AKAP1: variants seen among roughly 807,000 people sequenced by gnomAD.
The protein encoded by AKAP1 is A-kinase anchor protein 1, mitochondrial.
A neutral mutation model predicts 79.8 loss-of-function variants in AKAP1; 32 were observed. The ratio of observed to expected loss-of-function variants is 0.40; its 90% CI spans 0.30 to 0.54. AKAP1 has a LOEUF of 0.54. Ranked by LOEUF, AKAP1 falls within the 20% of genes least tolerant of loss-of-function variation. AKAP1 has a pLI of 0.47. For missense variants in AKAP1, 961 were observed against 1,138.9 expected, an observed-to-expected ratio of 0.84 and a Z score of 2.25; for synonymous variants, 416 against 466.7, an observed-to-expected ratio of 0.89 and a Z score of 1.40.
In AKAP1 at chr17:57,114,406, AAGATG is replaced by A. The variant is rs1356405850; in HGVS notation, c.2104-48_2104-44del. 8 of 1,592,668 alleles carry A rather than the reference AAGATG, an allele frequency of 5.0e-6. No individual in the cohort carries two copies. The East Asian group carries it at 1.8e-4, about 36-fold the overall frequency. On this transcript the variant is annotated intron_variant, in intron 5 of 10. Transcript: ENST00000337714. ...GCCCTTGGGTCTCGGGACTTATTCA[AAGATG>A]AGATAAGAAGGATTGTTTCAGTGAC... is the stretch of plus-strand genomic sequence containing the variant.
At chr17:57,115,203 A>G (rs1453312265) in intron 6 of AKAP1, among the ~76,000 whole-genome samples, 4 of 152,220 alleles carry the variant, frequency 2.6e-5, no homozygotes, top group African/African-American at 9.6e-5. Context: ...TCCTTATCAC[A>G]GAGGATGGAA....
At chr17:57,091,820 C>T (rs1226474012) in intron 1 of AKAP1, among the ~76,000 whole-genome samples, 2 of 151,888 alleles carry the variant, frequency 1.3e-5, no homozygotes, top group African/African-American at 4.8e-5. Flanking sequence ...TCCCAAGTAC[C>T]CGGGACTATA....
rs1158614161 is a variant in AKAP1, at chr17:57,085,376, C to T, written c.-47C>T. On this transcript the variant is annotated 5_prime_UTR_variant, in exon 1 of 11. Coordinates refer to ENST00000337714, the MANE Select transcript of AKAP1 (RefSeq NM_003488.4). ...CGGCGCGCGGACTCCGCATCCCGCA[C>T]CCCGATGGTAGCCGAGGAGCTGGTA... 1 of 151,920 alleles carries T rather than the reference C, an allele frequency of 6.6e-6. No homozygotes were observed. The highest frequency in any genetic ancestry group is 1.5e-5 in the Non-Finnish European group (1 of 67,940). 9.4% of individuals were successfully genotyped at this position (151,920 alleles called of 1,614,324 possible). A position where few individuals can be genotyped will look rare whatever the true frequency, so the allele number is the denominator to read the frequency against.
At position 57,114,442 on chromosome 17, in the gene AKAP1, C is replaced by G. The variant is rs1302420350; in HGVS notation, c.2104-17C>G. 4.3e-6 allele frequency: 7 copies of G among 1,611,430 alleles called. No individual in the cohort carries two copies. Among genetic ancestry groups the G allele is most frequent in the Non-Finnish European group, 4.2e-6 (5 of 1,178,546 alleles). On this transcript the variant is annotated splice_polypyrimidine_tract_variant and intron_variant, in intron 5 of 10. Transcript: ENST00000337714. ...AGAAGGATTGTTTCAGTGACCGCTC[C>G]CCCTTCCCCTCTACAGCTCATGCTG...
intron 3 of AKAP1, 48 bp from the exon 4 acceptor site, chr17:57,111,750 G>C (rs990667991): frequency 6.2e-7 from 1 of 1,606,864 alleles, no homozygotes; most frequent in Admixed American, 1.7e-5. Context: ...GGTGTCCAGG[G>C]AATTGGTTTC....
chr17:57,111,942 C>T lies in AKAP1; in HGVS notation c.1975+18C>T. 6.2e-7 allele frequency: 1 copy of T among 1,604,814 alleles called. No individual in the cohort carries two copies. The highest frequency in any genetic ancestry group is 8.5e-7 in the Non-Finnish European group (1 of 1,173,886). On this transcript the variant is annotated intron_variant, in intron 4 of 10. Transcript: ENST00000337714. ...CATAGAAGGTCAGTAACATCTGCTGCTTGTATTGCCTCTTACCTGAAATAT... is the reference window on the plus strand; with the variant it reads ...CATAGAAGGTCAGTAACATCTGCTGTTTGTATTGCCTCTTACCTGAAATAT...
intron 1 of AKAP1, among the ~76,000 whole-genome samples, chr17:57,100,449 A>ACACACG (rs1555620012): frequency 6.6e-6 from 1 of 151,058 alleles, no homozygotes; most frequent in African/African-American, 2.4e-5. Flanking sequence ...ACACACACGC[A>ACACACG]CACACACACA....
rs1915265910 is a variant in AKAP1 at position 57,111,817 on chromosome 17, T to C, written c.1868T>C (p.Ile623Thr). The part of the protein sequence containing the change: ...EVPKHLVGRL[I>T]GKQGRYVSFL... Reference sequence around the variant, plus strand: ...TGGAAGCACTTAGTCGGTCGGCTAATTGGCAAGCAGGGGCGCTATGTGAGT... The same window carrying C: ...TGGAAGCACTTAGTCGGTCGGCTAACTGGCAAGCAGGGGCGCTATGTGAGT... Residue 623 changes from isoleucine (I) to threonine (T), a missense_variant, in exon 4 of 11, where the codon ATT (isoleucine) becomes ACT (threonine). Ile to Thr is a moderately conservative substitution (Grantham distance 89). Around this residue, in one of 3 missense-constraint regions of AKAP1, gnomAD observed 629 missense variants for 781.1 expected, o/e 0.81. Transcript: ENST00000337714. 3.7e-6 allele frequency: 6 copies of C among 1,614,140 alleles called. No homozygotes were observed. Among genetic ancestry groups the C allele is most frequent in the Non-Finnish European group, 5.1e-6 (6 of 1,180,034 alleles).
intron 1 of AKAP1, chr17:57,093,200 C>T (rs575462396): frequency 7.9e-5 from 12 of 152,328 alleles, no homozygotes; most frequent in African/African-American, 2.6e-4. Flanking sequence ...CAAGGGCAGC[C>T]TTAGGGCTCA....
chr17:57,103,696 T>G (rs1020881063), intron 1 of AKAP1, among the ~76,000 whole-genome samples: 4 of 152,210 alleles, frequency 2.6e-5, no homozygotes, highest in Admixed American at 1.3e-4. Flanking sequence ...TAAAAAGACA[T>G]TACTTTGGCA....
In AKAP1 at chr17:57,105,927, G is replaced by A. The variant is rs1340144290; in HGVS notation, c.463G>A (p.Val155Ile). 35 of 1,614,098 alleles carry A rather than the reference G, an allele frequency of 2.2e-5. No individual in the cohort carries two copies. The highest frequency in any genetic ancestry group is 2.8e-5 in the Non-Finnish European group (33 of 1,180,048). ...LECPLSSPKG[V>I]LFSSKSAEVC... ...GTGCCCCCTTTCATCCCCAAAGGGTGTACTATTCTCCAGCAAATCAGCTGA... is the reference window on the plus strand; with the variant it reads ...GTGCCCCCTTTCATCCCCAAAGGGTATACTATTCTCCAGCAAATCAGCTGA... Residue 155 changes from valine (V) to isoleucine (I), a missense_variant, in exon 2 of 11, where the codon GTA (valine) becomes ATA (isoleucine). Coordinates refer to ENST00000337714, the MANE Select transcript of AKAP1 (RefSeq NM_003488.4).
Position 57,120,414 on chromosome 17 carries a change from T to G in AKAP1, c.*90T>G. On this transcript the variant is annotated 3_prime_UTR_variant, in exon 11 of 11. Coordinates refer to ENST00000337714, the MANE Select transcript of AKAP1 (RefSeq NM_003488.4). ...AAGATGAACATCGGAATAACAAACA[T>G]TGTCCTCTCCAGAAAGTCCTTTCTT... is the stretch of plus-strand genomic sequence containing the variant. 8.6e-7 allele frequency: 1 copy of G among 1,168,994 alleles called. No homozygotes were observed. Among genetic ancestry groups the G allele is most frequent in the South Asian group, 1.4e-5 (1 of 72,382 alleles). The allele number at this position is 1,168,994 out of a possible 1,614,324, so 72.4% of individuals were successfully genotyped here. A position where few individuals can be genotyped will look rare whatever the true frequency, so the allele number is the denominator to read the frequency against.
intron 2 of AKAP1, 85 bp from the exon 3 acceptor site, chr17:57,109,937 TGGG>T: frequency 6.5e-7 from 1 of 1,548,424 alleles, no homozygotes; most frequent in Admixed American, 1.8e-5. Context: ...CAGGGCCTCC[TGGG>T]AATGTGAGTT....
rs1162657883 is a variant in AKAP1 at position 57,085,355 on chromosome 17, G to A, written c.-68G>A. 2 of 151,800 alleles carry A rather than the reference G, an allele frequency of 1.3e-5. No homozygotes were observed. Among genetic ancestry groups the A allele is most frequent in the Non-Finnish European group, 2.9e-5 (2 of 67,884 alleles). The allele number at this position is 151,800 out of a possible 1,614,324, so 9.4% of individuals were successfully genotyped here. A position where few individuals can be genotyped will look rare whatever the true frequency, so the allele number is the denominator to read the frequency against. ...GGCACAGCCGGGGGCCGGCGGCGGC[G>A]CGCGGACTCCGCATCCCGCACCCCG... On this transcript the variant is annotated 5_prime_UTR_variant, in exon 1 of 11. Coordinates refer to ENST00000337714, the MANE Select transcript of AKAP1 (RefSeq NM_003488.4).
At chr17:57,113,712 C>T (rs1043395621) in intron 5 of AKAP1, among the ~76,000 whole-genome samples, 4 of 146,450 alleles carry the variant, frequency 2.7e-5, no homozygotes, top group African/African-American at 1.0e-4. Flanking sequence ...AAACGATTAT[C>T]CTGCCCCAGC....
chr17:57,120,067 C>G (rs952673673), intron 10 of AKAP1, among the ~76,000 whole-genome samples, 183 bp from the exon 11 acceptor site: 1 of 151,982 alleles, frequency 6.6e-6, no homozygotes, highest in African/African-American at 2.4e-5. Flanking sequence ...CTCAGGTGAT[C>G]CACCTGCCTC....
intron 1 of AKAP1, among the ~76,000 whole-genome samples, chr17:57,100,091 C>T (rs1258310182): frequency 6.6e-6 from 1 of 152,124 alleles, no homozygotes; most frequent in Non-Finnish European, 1.5e-5. Flanking sequence ...GAGCAGACAG[C>T]CAATTAGAGT....
At position 57,116,142 on chromosome 17, in the gene AKAP1, C is replaced by T. The variant is rs755180755; in HGVS notation, c.2313C>T (p.Asp771=). The T allele has an allele frequency of 3.1e-5, 50 of 1,613,716 alleles. No individual in the cohort carries two copies. The highest frequency in any genetic ancestry group is 9.3e-5 in the African/African-American group (7 of 74,940). ...TCATCTGTGCCGCCCCTGGTGCGGA[C>T]GGGGCCTGGTGGCGAGCCCAAGTGG... is the stretch of plus-strand genomic sequence containing the variant. ...ITVICAAPGA[D]GAWWRAQVVA... Residue 771 remains aspartate (D), a synonymous_variant, in exon 7 of 11, where the codon GAC becomes GAT. Transcript: ENST00000337714.
At chr17:57,097,425 T>A (rs991591923) in intron 1 of AKAP1, among the ~76,000 whole-genome samples, 2 of 152,222 alleles carry the variant, frequency 1.3e-5, no homozygotes, top group Non-Finnish European at 2.9e-5. Context: ...GACTGTGACC[T>A]GATGAGGAAA....
Sources: allele counts gnomAD v4.1 joint callset (sites outside exome capture counted in the v4.1 genomes callset), GRCh38; gene constraint gnomAD v4.1.1; regional missense constraint gnomAD v4.1.1; transcripts MANE v1.5; gene names NCBI Gene and HGNC (gene_info 2026-07-23, HGNC 2026-07-21).